Variants in EPHA7 observed in about 807,000 individuals in gnomAD.
EPHA7 encodes the protein EPH receptor A7.
Under a neutral mutation model 112.6 loss-of-function variants are expected in EPHA7, and 25 were observed. The observed-to-expected ratio is 0.22, with a 90% CI of 0.16 to 0.31. The LOEUF is 0.31. Among genes scored for constraint, EPHA7 ranks in the 10% least tolerant of loss-of-function variants. The pLI, the probability that EPHA7 is intolerant of heterozygous loss-of-function variation, is 1.00. For missense variants in EPHA7, 962 were observed against 1,212.6 expected, an observed-to-expected ratio of 0.79 and a Z score of 3.07; for synonymous variants, 437 against 406.5, an observed-to-expected ratio of 1.07 and a Z score of -0.90.
intron 5 of EPHA7, among the ~76,000 whole-genome samples, chr6:93,281,371 T>A (rs1351213820): frequency 6.6e-6 from 1 of 152,208 alleles, no homozygotes; most frequent in East Asian, 1.9e-4. Flanking sequence ...ACTACTTTCG[T>A]ACTTTTACAG....
chr6:93,257,215 T>A (rs1770479727), intron 12 of EPHA7, among the ~76,000 whole-genome samples: 1 of 152,100 alleles, frequency 6.6e-6, no homozygotes, highest in Admixed American at 6.6e-5. Context: ...GCTTCGGGCA[T>A]CCTCCATACC....
At chr6:93,400,083 C>T (rs1022700854) in intron 3 of EPHA7, among the ~76,000 whole-genome samples, 1 of 151,688 alleles carries the variant, frequency 6.6e-6, no homozygotes, top group Admixed American at 6.6e-5. Context: ...CATCTCTCTT[C>T]GAGGATAAAA....
At chr6:93,398,803 T>A (rs1778303971) in intron 3 of EPHA7, among the ~76,000 whole-genome samples, 1 of 152,064 alleles carries the variant, frequency 6.6e-6, no homozygotes, top group Admixed American at 6.6e-5. Context: ...TATGTTCAGC[T>A]CTTAAAAACA....
intron 5 of EPHA7, among the ~76,000 whole-genome samples, chr6:93,354,998 T>A (rs1324375298): frequency 1.5e-5 from 2 of 129,864 alleles, no homozygotes; most frequent in East Asian, 5.5e-4. Context: ...AGCTCTTATG[T>A]CAAAATCATA....
chr6:93,306,019 CTTG>C (rs989050140), intron 5 of EPHA7, among the ~76,000 whole-genome samples: 9 of 151,940 alleles, frequency 5.9e-5, no homozygotes, highest in African/African-American at 2.2e-4. Context: ...AGCAGAAATA[CTTG>C]TTAATATTTT....
At chr6:93,351,979 T>A (rs1271926117) in intron 5 of EPHA7, among the ~76,000 whole-genome samples, 1 of 152,130 alleles carries the variant, frequency 6.6e-6, no homozygotes, top group Non-Finnish European at 1.5e-5. Context: ...TCTAAAATCA[T>A]GTAATTATGT....
At chr6:93,331,054 C>A (rs1426543055) in intron 5 of EPHA7, among the ~76,000 whole-genome samples, 1 of 151,276 alleles carries the variant, frequency 6.6e-6, no homozygotes, top group Admixed American at 6.6e-5. Flanking sequence ...GCATATATGT[C>A]AAACATTTTG....
rs1027807626 is a variant in EPHA7 at position 93,370,950 on chromosome 6, C to T, written c.833-12539G>A. ...CACGAGGTCAGGAGATCGAGACCAT[C>T]CTGGCTAACATGGTGAAACCCTGTC... On this transcript the variant is annotated intron_variant, in intron 3 of 16. Coordinates refer to ENST00000369303, the MANE Select transcript of EPHA7 (RefSeq NM_004440.4). Among the ~76,000 whole-genome samples, 25 of 150,908 alleles carry T rather than the reference C, an allele frequency of 1.7e-4. No homozygotes were observed. The East Asian group carries it at 3.3e-3, about 20-fold the overall frequency.
At chr6:93,264,558 T>C in intron 8 of EPHA7, 36 bp downstream of exon 8, 1 of 1,346,006 alleles carries the variant, frequency 7.4e-7, no homozygotes, top group Non-Finnish European at 1.0e-6. Flanking sequence ...AAACAATACA[T>C]TTTATGTTAG....
chr6:93,277,397 C>T (rs1771520642), intron 5 of EPHA7, among the ~76,000 whole-genome samples: 2 of 151,772 alleles, frequency 1.3e-5, no homozygotes, highest in African/African-American at 4.8e-5. Context: ...ATAAAAAATG[C>T]TAAACACATA....
intron 3 of EPHA7, among the ~76,000 whole-genome samples, chr6:93,382,969 C>T (rs1035328828): frequency 6.6e-6 from 1 of 152,064 alleles, no homozygotes; most frequent in Non-Finnish European, 1.5e-5. Context: ...AAACTGCTTC[C>T]GTCTCTTTGT....
chr6:93,339,976 G>T (rs1775063582), intron 5 of EPHA7, among the ~76,000 whole-genome samples: 1 of 151,430 alleles, frequency 6.6e-6, no homozygotes, highest in Non-Finnish European at 1.5e-5. Flanking sequence ...GGTGTTACAG[G>T]GAACAATAAC....
intron 3 of EPHA7, among the ~76,000 whole-genome samples, chr6:93,362,533 T>C (rs949153069): frequency 3.9e-5 from 6 of 152,108 alleles, no homozygotes; most frequent in African/African-American, 1.2e-4. Flanking sequence ...TATTTAAATA[T>C]ACAAGAGAGT....
At chr6:93,258,337 C>T (rs1449898286) in intron 10 of EPHA7, 53 bp from the exon 11 acceptor site, 2 of 1,454,610 alleles carry the variant, frequency 1.4e-6, no homozygotes, top group Non-Finnish European at 1.8e-6. Context: ...TTGTAATTTT[C>T]TTTTAAGAGT....
chr6:93,321,663 A>G (rs1388989611), intron 5 of EPHA7, among the ~76,000 whole-genome samples: 1 of 151,898 alleles, frequency 6.6e-6, no homozygotes, highest in Non-Finnish European at 1.5e-5. Flanking sequence ...GCACTTACGC[A>G]TCTTCAGCAA....
At chr6:93,341,734 A>G (rs926859607) in intron 5 of EPHA7, among the ~76,000 whole-genome samples, 1 of 151,856 alleles carries the variant, frequency 6.6e-6, no homozygotes, top group South Asian at 2.1e-4. Flanking sequence ...TGTTAGCTAC[A>G]GTTAATAATT....
chr6:93,381,140 C>A (rs1049499913), intron 3 of EPHA7, among the ~76,000 whole-genome samples: 1 of 152,062 alleles, frequency 6.6e-6, no homozygotes, highest in Non-Finnish European at 1.5e-5. Flanking sequence ...ATATTTATTT[C>A]AAAGAATTTA....
intron 3 of EPHA7, among the ~76,000 whole-genome samples, chr6:93,396,957 A>T (rs966658714): frequency 6.6e-6 from 1 of 151,820 alleles, no homozygotes; most frequent in Non-Finnish European, 1.5e-5. Context: ...GAATCTATTA[A>T]TGAGCTTAAT....
intron 10 of EPHA7, 151 bp downstream of exon 10, chr6:93,259,203 C>T: frequency 1.1e-6 from 1 of 870,040 alleles, no homozygotes. Context: ...CATAAGATTT[C>T]ATAAACAAGT....
Sources: gnomAD v4.1 joint callset for allele counts (sites outside exome capture counted in the v4.1 genomes callset) on GRCh38, gnomAD v4.1.1 for gene constraint, MANE v1.5 for transcripts, NCBI Gene and HGNC (gene_info 2026-07-23, HGNC 2026-07-21) for gene names.